Variants in PHACTR1 observed in about 807,000 individuals in gnomAD.
PHACTR1 encodes the protein RPEL repeat containing 1.
A neutral mutation model predicts 69.2 loss-of-function variants in PHACTR1; 16 were observed. The observed-to-expected ratio is 0.23, with a 90% CI of 0.16 to 0.35. The LOEUF (loss-of-function observed/expected upper bound fraction) is 0.35. PHACTR1 is among the 10% of genes least tolerant of loss of function. The pLI, the probability that PHACTR1 is intolerant of heterozygous loss-of-function variation, is 1.00. For synonymous variants in PHACTR1, 312 were observed against 284.5 expected, an observed-to-expected ratio of 1.10 and a Z score of -0.97; for missense variants, 510 against 734.7, an observed-to-expected ratio of 0.69 and a Z score of 3.54.
chr6:13,159,415 A>C (rs1758655364), intron 5 of PHACTR1, among the ~76,000 whole-genome samples: 1 of 152,214 alleles, frequency 6.6e-6, no homozygotes, highest in Non-Finnish European at 1.5e-5. Flanking sequence ...AAGCAACAGA[A>C]TCCTCAGTGA....
At chr6:13,252,455 T>A (rs1340703219) in intron 10 of PHACTR1, among the ~76,000 whole-genome samples, 5 of 152,160 alleles carry the variant, frequency 3.3e-5, no homozygotes, top group Non-Finnish European at 7.4e-5. Flanking sequence ...CCGTTTCCCA[T>A]ATAAATAGAT....
intron 4 of PHACTR1, among the ~76,000 whole-genome samples, chr6:12,910,183 A>T (rs1416425997): frequency 6.6e-6 from 1 of 152,156 alleles, no homozygotes; most frequent in Non-Finnish European, 1.5e-5. Flanking sequence ...TCTGCTGCAC[A>T]TCTTCCTAGA....
At chr6:12,870,140 A>G (rs1255752200) in intron 4 of PHACTR1, among the ~76,000 whole-genome samples, 1 of 152,018 alleles carries the variant, frequency 6.6e-6, no homozygotes, top group Non-Finnish European at 1.5e-5. Flanking sequence ...AAAAAACTCC[A>G]ATGCTTCCCC....
chr6:13,090,619 G>A (rs745359618), intron 5 of PHACTR1, among the ~76,000 whole-genome samples: 3 of 152,142 alleles, frequency 2.0e-5, no homozygotes, highest in Admixed American at 6.5e-5. Context: ...CACCATGCCC[G>A]GCCTAAAGTT....
chr6:13,108,931 A>T (rs1816584963), intron 5 of PHACTR1, among the ~76,000 whole-genome samples: 2 of 151,966 alleles, frequency 1.3e-5, no homozygotes, highest in South Asian at 4.2e-4. Flanking sequence ...TAGTTTTTTT[A>T]AAAAACATTT....
chr6:13,219,985 T>C (rs1768341901), intron 8 of PHACTR1, among the ~76,000 whole-genome samples: 1 of 152,152 alleles, frequency 6.6e-6, no homozygotes, highest in East Asian at 1.9e-4. Context: ...CACTGTGTTC[T>C]CAGAAACCTC....
chr6:12,741,675 G>A (rs926451429), intron 3 of PHACTR1, among the ~76,000 whole-genome samples: 10 of 150,674 alleles, frequency 6.6e-5, no homozygotes, highest in Non-Finnish European at 3.0e-5. Flanking sequence ...ATCTTCTACT[G>A]TAATCCTCCA....
intron 5 of PHACTR1, among the ~76,000 whole-genome samples, chr6:13,058,928 G>C (rs1270120050): frequency 1.3e-5 from 2 of 152,138 alleles, no homozygotes; most frequent in Non-Finnish European, 2.9e-5. Flanking sequence ...GCAAATTCAG[G>C]AGTGTGAGTA....
intron 4 of PHACTR1, among the ~76,000 whole-genome samples, chr6:12,794,261 G>A (rs991481308): frequency 6.6e-6 from 1 of 152,208 alleles, no homozygotes; most frequent in Non-Finnish European, 1.5e-5. Flanking sequence ...CTATGAACAG[G>A]TGACTATGAT....
intron 4 of PHACTR1, among the ~76,000 whole-genome samples, chr6:12,933,342 A>G (rs1407717900): frequency 6.6e-6 from 1 of 152,232 alleles, no homozygotes; most frequent in Admixed American, 6.5e-5. Context: ...ATAACTGCAT[A>G]CAGAAGAATA....
At chr6:13,194,481 G>GAA (rs59334120) in intron 7 of PHACTR1, among the ~76,000 whole-genome samples, 5 of 142,454 alleles carry the variant, frequency 3.5e-5, no homozygotes, top group Admixed American at 7.0e-5. Flanking sequence ...TTTTATTGAA[G>GAA]AAAAAAAAAA....
At chr6:13,210,698 G>A (rs4715156) in intron 8 of PHACTR1, among the ~76,000 whole-genome samples, 101,143 of 151,958 alleles carry the variant, frequency 0.67, 34,177 homozygotes, top group Admixed American at 0.72. Flanking sequence ...GTAAGGATCA[G>A]ATTATTTAAT....
intron 5 of PHACTR1, among the ~76,000 whole-genome samples, chr6:13,078,250 G>A (rs1159332246): frequency 1.3e-5 from 2 of 152,048 alleles, no homozygotes; most frequent in Non-Finnish European, 2.9e-5. Context: ...GTCATTCCTT[G>A]GCTTGTAGAA....
At chr6:12,731,848 T>G (rs1378871828) in intron 3 of PHACTR1, among the ~76,000 whole-genome samples, 1 of 152,172 alleles carries the variant, frequency 6.6e-6, no homozygotes, top group Non-Finnish European at 1.5e-5. Context: ...CATGTGGGGA[T>G]GGACAGATGC....
chr6:12,886,712 A>G lies in PHACTR1; in HGVS notation c.250+136922A>G, dbSNP rs186878766. Among the ~76,000 whole-genome samples, 11 of 152,294 alleles carry G rather than the reference A, an allele frequency of 7.2e-5. No homozygotes were observed. The East Asian group carries it at 1.9e-3, about 27-fold the overall frequency. On this transcript the variant is annotated intron_variant, in intron 4 of 14. Transcript: ENST00000332995. ...TCCGAAGGAAACCCACTCACAGCTCATGGAGACACCTGATGCTGAAAGGAG... is the reference window on the plus strand; with the variant it reads ...TCCGAAGGAAACCCACTCACAGCTCGTGGAGACACCTGATGCTGAAAGGAG...
intron 10 of PHACTR1, among the ~76,000 whole-genome samples, chr6:13,269,695 A>G (rs983675276): frequency 2.0e-5 from 3 of 152,130 alleles, no homozygotes; most frequent in Admixed American, 6.6e-5. Context: ...AGCACGGGGC[A>G]TGGTGGCACG....
intron 4 of PHACTR1, among the ~76,000 whole-genome samples, chr6:13,038,719 A>C (rs1561732055): frequency 3.3e-5 from 5 of 152,210 alleles, no homozygotes; most frequent in Non-Finnish European, 7.3e-5. Context: ...GTAATAACTA[A>C]CATAAGATAG....
chr6:12,965,090 T>C (rs531735799), intron 4 of PHACTR1, among the ~76,000 whole-genome samples: 47 of 152,248 alleles, frequency 3.1e-4, no homozygotes, highest in Non-Finnish European at 6.5e-4. Flanking sequence ...TAATACCTAA[T>C]AGAATGTAAA....
At chr6:12,850,559 G>C (rs1281749533) in intron 4 of PHACTR1, among the ~76,000 whole-genome samples, 1 of 152,198 alleles carries the variant, frequency 6.6e-6, no homozygotes, top group Non-Finnish European at 1.5e-5. Flanking sequence ...TTCAGTCTTG[G>C]TATTTGTTTC....
Sources: allele counts gnomAD v4.1 joint callset (sites outside exome capture counted in the v4.1 genomes callset), GRCh38; gene constraint gnomAD v4.1.1; transcripts MANE v1.5; gene names NCBI Gene and HGNC (gene_info 2026-07-23, HGNC 2026-07-21).